Variants in ZAN observed in about 807,000 individuals in gnomAD.
ZAN encodes the protein zonadhesin (gene/pseudogene).
A neutral mutation model predicts 286.2 loss-of-function variants in ZAN; 260 were observed. The ratio of observed to expected loss-of-function variants is 0.91; its 90% CI spans 0.82 to 1.01. ZAN has a LOEUF of 1.01. Ranked by LOEUF, ZAN falls within the 50% of genes least tolerant of loss-of-function variation. ZAN has a pLI of 0.00. For synonymous variants in ZAN, 1,368 were observed against 1,417.5 expected, an observed-to-expected ratio of 0.97 and a Z score of 0.79; for missense variants, 3,410 against 3,639.2, an observed-to-expected ratio of 0.94 and a Z score of 1.62.
rs1554399726 is a variant in ZAN at position 100,749,651 on chromosome 7, A to ATAT, written c.1250-974_1250-973insTAT. ...TGAGACTCCGTCTCAAAAAAAAAAA[A>ATAT]ATATATATATATATATATATATATA... On this transcript the variant is annotated intron_variant, in intron 11 of 47. Coordinates refer to ENST00000613979, the MANE Select transcript of ZAN (RefSeq NM_003386.3). Among the ~76,000 whole-genome samples the ATAT allele has an allele frequency of 6.5e-3, 709 of 109,216 alleles. 6 individuals are homozygous for ATAT. The highest frequency in any genetic ancestry group is 8.8e-3 in the Non-Finnish European group (474 of 53,930). The allele number at this position is 109,216 out of a possible 152,430, so 71.6% of individuals were successfully genotyped here. A position where few individuals can be genotyped will look rare whatever the true frequency, so the allele number is the denominator to read the frequency against.
rs201350911 is a variant in ZAN, at chr7:100,789,320, G to C, written c.7330G>C (p.Val2444Leu). 5.0e-6 allele frequency: 8 copies of C among 1,613,674 alleles called. No homozygotes were observed. In the East Asian group the frequency reaches 1.3e-4, roughly 27 times the overall value. The change falls in exon 39 of 48, where the codon GTC becomes CTC. Residue 2444 changes from valine (V) to leucine (L), a missense_variant. Physicochemically the swap from Val to Leu is conservative, Grantham distance 32. This residue lies in a region of ZAN where 1,289 missense variants were observed against 1,314.3 expected (regional missense o/e 0.98). Coordinates refer to ENST00000613979, the MANE Select transcript of ZAN (RefSeq NM_003386.3). ...LYLVTDFELVVSFGGRKNAVI... is the reference protein window; with the variant it reads ...LYLVTDFELVLSFGGRKNAVI... ...CCTGGTCACCGACTTTGAGCTGGTC[G>C]TCAGCTTTGGTGGAAGGAAAAATGC...
Position 100,773,380 on chromosome 7 carries a change from G to T in ZAN, c.5521G>T (p.Ala1841Ser). ...AAACAACCCGAGGGACTGCCCCAAAGCACTGCCCTGTGCTGAGAGCTGTGA... is the reference window on the plus strand; with the variant it reads ...AAACAACCCGAGGGACTGCCCCAAATCACTGCCCTGTGCTGAGAGCTGTGA... ...SINNPRDCPK[A>S]LPCAESCECQ... The change falls in exon 30 of 48, where the codon GCA becomes TCA. Residue 1841 changes from alanine to serine, a missense_variant. Physicochemically the swap from Ala to Ser is moderately conservative, Grantham distance 99 (BLOSUM62 1). Around this residue, in one of 7 missense-constraint regions of ZAN, gnomAD observed 1,289 missense variants for 1,314.3 expected, o/e 0.98. Transcript: ENST00000613979. 5 of 1,614,012 alleles carry T rather than the reference G, an allele frequency of 3.1e-6. 1 individual carries two copies. In the Middle Eastern group the frequency reaches 5.0e-4, roughly 160 times the overall value.
intron 39 of ZAN, among the ~76,000 whole-genome samples, chr7:100,790,368 C>G (rs1412213534): frequency 6.7e-6 from 1 of 149,952 alleles, no homozygotes. Flanking sequence ...CGAGACCATC[C>G]TGGCTAACAC....
chr7:100,762,432 T>C (rs1809664796), intron 20 of ZAN, 74 bp downstream of exon 20: 8 of 1,440,746 alleles, frequency 5.6e-6, no homozygotes, highest in Non-Finnish European at 6.4e-6. Context: ...TTTTTTTTTT[T>C]TTTTTTTTTT....
intron 34 of ZAN, 86 bp from the exon 35 acceptor site, chr7:100,779,360 A>T: frequency 7.3e-7 from 1 of 1,376,200 alleles, no homozygotes; most frequent in African/African-American, 1.4e-5. Flanking sequence ...CCTGGGTGAC[A>T]GAGCAAGACT....
intron 11 of ZAN, among the ~76,000 whole-genome samples, chr7:100,748,714 A>C (rs1808403854): frequency 6.6e-6 from 1 of 152,136 alleles, no homozygotes; most frequent in Non-Finnish European, 1.5e-5. Flanking sequence ...TGGAGCCCAA[A>C]GCTTCAAAAC....
At chr7:100,748,508 TCA>T (rs747045454) in intron 11 of ZAN, 38 bp downstream of exon 11, 4 of 1,579,120 alleles carry the variant, frequency 2.5e-6, no homozygotes, top group Non-Finnish European at 3.4e-6. Flanking sequence ...AAGAAATCAC[TCA>T]GTCTGCTCCC....
chr7:100,786,890 A>G (rs1301532875), intron 37 of ZAN, among the ~76,000 whole-genome samples: 1 of 152,062 alleles, frequency 6.6e-6, no homozygotes, highest in African/African-American at 2.4e-5. Flanking sequence ...TGTCCCTACA[A>G]AAAATTTTAA....
chr7:100,735,866 G>A lies in ZAN; in HGVS notation c.106+94G>A. 2 of 1,017,718 alleles carry A rather than the reference G, an allele frequency of 2.0e-6. 1 individual carries two copies. Among genetic ancestry groups the A allele is most frequent in the Non-Finnish European group, 2.9e-6 (2 of 685,642 alleles). 63.0% of individuals were successfully genotyped at this position (1,017,718 alleles called of 1,614,324 possible). A position where few individuals can be genotyped will look rare whatever the true frequency, so the allele number is the denominator to read the frequency against. ...GCCAGTTCCTGAGTTCCTAGCAGGA[G>A]CAGCCACCTCCAGTCCCCTCCGGGC... On this transcript the variant is annotated intron_variant, in intron 3 of 47. Transcript: ENST00000613979.
At position 100,735,683 on chromosome 7, in the gene ZAN, C is replaced by T. The variant is rs73711152; in HGVS notation, c.54-37C>T. On this transcript the variant is annotated intron_variant, in intron 2 of 47. Coordinates refer to ENST00000613979, the MANE Select transcript of ZAN (RefSeq NM_003386.3). ...AATCTTATAATTCTTGATAATGACA[C>T]GAGTTGCATTTTTGCTTTCTTCAAA... 1.1e-5 allele frequency: 16 copies of T among 1,418,114 alleles called. 4 individuals are homozygous for T. Among genetic ancestry groups the T allele is most frequent in the Admixed American group, 5.8e-5 (3 of 51,332 alleles). 87.8% of individuals were successfully genotyped at this position (1,418,114 alleles called of 1,614,324 possible). A position where few individuals can be genotyped will look rare whatever the true frequency, so the allele number is the denominator to read the frequency against.
At position 100,761,947 on chromosome 7, in the gene ZAN, G is replaced by GATAAATAA. The variant is rs113604904; in HGVS notation, c.3843-234_3843-227dup. 3.4e-3 allele frequency among the ~76,000 whole-genome samples: 508 copies of GATAAATAA among 148,076 alleles called. 3 individuals are homozygous for GATAAATAA. Among genetic ancestry groups the GATAAATAA allele is most frequent in the Middle Eastern group, 0.017 (5 of 292 alleles). Reference sequence around the variant, plus strand: ...GAGAGAGACTCCATCTGAAAAAAAGGATAAATAAATAAATAAATAAATAAA... The same window carrying GATAAATAA: ...GAGAGAGACTCCATCTGAAAAAAAGGATAAATAAATAAATAAATAAATAAATAAATAAA... On this transcript the variant is annotated intron_variant, in intron 19 of 47. Transcript: ENST00000613979.
In ZAN at chr7:100,790,978, G is replaced by A; in HGVS notation, c.7394G>A (p.Ser2465Asn). ...SLPSMYEGLV[S>N]GLCGNYDKNR... ...CCCAGCATGTACGAGGGGCTTGTGAGTGGCCTGTGCGGAAACTACGACAAG... is the reference window on the plus strand; with the variant it reads ...CCCAGCATGTACGAGGGGCTTGTGAATGGCCTGTGCGGAAACTACGACAAG... Residue 2465 changes from serine to asparagine, a missense_variant, in exon 40 of 48, where the codon AGT (serine) becomes AAT (asparagine). Coordinates refer to ENST00000613979, the MANE Select transcript of ZAN (RefSeq NM_003386.3). 6.2e-7 allele frequency: 1 copy of A among 1,612,330 alleles called. No homozygotes were observed. The highest frequency in any genetic ancestry group is 8.5e-7 in the Non-Finnish European group (1 of 1,179,348).
chr7:100,765,290 G>A (rs1809874111), intron 22 of ZAN, 62 bp from the exon 23 acceptor site: 1 of 1,570,040 alleles, frequency 6.4e-7, no homozygotes, highest in African/African-American at 1.4e-5. Context: ...TGTCCTTCCT[G>A]TTTCCCACCC....
At chr7:100,772,097 CTT>C (rs777506126) in intron 29 of ZAN, 77 bp downstream of exon 29, 4,595 of 1,205,576 alleles carry the variant, frequency 3.8e-3, no homozygotes, top group South Asian at 9.8e-3. Context: ...CCTCTAAATT[CTT>C]TTTTTTTTTT....
At position 100,758,530 on chromosome 7, in the gene ZAN, G is replaced by A. The variant is rs1337789195; in HGVS notation, c.3452-1G>A. The A allele has an allele frequency of 1.3e-6, 2 of 1,557,318 alleles. No individual in the cohort carries two copies. The highest frequency in any genetic ancestry group is 1.9e-5 in the Admixed American group (1 of 51,456). ...TCGCCTGTTCTCCTTCCCCCTCCCA[G>A]CAGGCACTGCCACCTGCTTGGTCTA... is the stretch of plus-strand genomic sequence containing the variant. On this transcript the variant is annotated splice_acceptor_variant, in intron 16 of 47. Coordinates refer to ENST00000613979, the MANE Select transcript of ZAN (RefSeq NM_003386.3). LOFTEE classifies it high-confidence loss of function.
intron 29 of ZAN, among the ~76,000 whole-genome samples, chr7:100,772,560 G>A (rs1168577587): frequency 6.6e-6 from 1 of 152,048 alleles, no homozygotes. Context: ...GGTGGCTCAT[G>A]CCTGTAATCC....
Position 100,762,374 on chromosome 7 carries a change from T to TC in ZAN, c.3986+19dup. ...AGGACCAGGAGTGAGCAAGGAGCCC[T>TC]CCCACCGGGGCCCTGGGAAGGTTCC... On this transcript the variant is annotated intron_variant, in intron 20 of 47. Transcript: ENST00000613979. 6.5e-7 allele frequency: 1 copy of TC among 1,534,658 alleles called. No individual in the cohort carries two copies. The highest frequency in any genetic ancestry group is 1.1e-5 in the South Asian group (1 of 87,692).
Position 100,776,434 on chromosome 7 carries a change from C to A in ZAN, c.6193-6C>A. The A allele has an allele frequency of 1.2e-6, 2 of 1,603,620 alleles. No individual in the cohort carries two copies. Among genetic ancestry groups the A allele is most frequent in the Non-Finnish European group, 1.7e-6 (2 of 1,175,042 alleles). On this transcript the variant is annotated splice_region_variant and splice_polypyrimidine_tract_variant and intron_variant, in intron 33 of 47. Coordinates refer to ENST00000613979, the MANE Select transcript of ZAN (RefSeq NM_003386.3). ...CCAGCACCGAAAAACCACTCTCCCC[C>A]GCCAGGTCTGCGGCATGTGTGGGAA...
At chr7:100,757,815 C>T (rs1809251729) in intron 15 of ZAN, among the ~76,000 whole-genome samples, 1 of 150,422 alleles carries the variant, frequency 6.6e-6, no homozygotes, top group Non-Finnish European at 1.5e-5. Context: ...TGGCTCACGC[C>T]TGTAATACCA....
Sources: gnomAD v4.1 joint callset for allele counts (sites outside exome capture counted in the v4.1 genomes callset) on GRCh38, gnomAD v4.1.1 for gene constraint, gnomAD v4.1.1 regional missense constraint, MANE v1.5 for transcripts, NCBI Gene and HGNC (gene_info 2026-07-23, HGNC 2026-07-21) for gene names.